The following FAT3 variants were observed in gnomAD, a reference collection of about 807,000 sequenced individuals.
FAT3 encodes FAT atypical cadherin 3.
FAT3 carries 95 observed loss-of-function variants against 310.2 expected under a neutral mutation model. The ratio of observed to expected loss-of-function variants is 0.31; its 90% CI spans 0.26 to 0.36. The LOEUF (loss-of-function observed/expected upper bound fraction) is 0.36. Among genes scored for constraint, FAT3 ranks in the 10% least tolerant of loss-of-function variants. FAT3 has a pLI of 1.00. For missense variants in FAT3, 5,408 were observed against 5,715.6 expected, an observed-to-expected ratio of 0.95 and a Z score of 1.74; for synonymous variants, 2,314 against 2,192.9, an observed-to-expected ratio of 1.06 and a Z score of -1.54.
At chr11:92,759,308 A>G (rs370941618) in intron 4 of FAT3, among the ~76,000 whole-genome samples, 13 of 152,368 alleles carry the variant, frequency 8.5e-5, no homozygotes, top group African/African-American at 3.1e-4. Context: ...GGGTGAGAGC[A>G]GTGAGAAAAC....
At chr11:92,664,663 G>A (rs979555138) in intron 3 of FAT3, among the ~76,000 whole-genome samples, 1 of 152,148 alleles carries the variant, frequency 6.6e-6, no homozygotes, top group African/African-American at 2.4e-5. Context: ...AATTACCAGT[G>A]TAGCTTATGA....
chr11:92,402,871 AC>A (rs1950051295), intron 2 of FAT3, among the ~76,000 whole-genome samples: 1 of 151,918 alleles, frequency 6.6e-6, no homozygotes, highest in Non-Finnish European at 1.5e-5. Context: ...AGCACCAAAA[AC>A]CCCATAGCTA....
chr11:92,444,497 G>C (rs746047802), intron 2 of FAT3, among the ~76,000 whole-genome samples: 1 of 152,100 alleles, frequency 6.6e-6, no homozygotes, highest in African/African-American at 2.4e-5. Flanking sequence ...CGCAGAGTGA[G>C]TGCTATATAG....
chr11:92,799,052 G>T lies in FAT3; in HGVS notation c.6039G>T (p.Glu2013Asp). The change falls in exon 10 of 28, where the codon GAG (glutamate) becomes GAT (aspartate). Residue 2013 changes from glutamate (E) to aspartate (D), a missense_variant. Around this residue, in one of 5 missense-constraint regions of FAT3, gnomAD observed 4,588 missense variants for 4,809.8 expected, o/e 0.95. Transcript: ENST00000525166. ...IVNAVGNRLN[E>D]PLKYSILNPG... Reference sequence around the variant, plus strand: ...ATGCAGTTGGAAATCGCCTTAATGAGCCCTTAAAATACAGCATCTTAAACC... The same window carrying T: ...ATGCAGTTGGAAATCGCCTTAATGATCCCTTAAAATACAGCATCTTAAACC... 1 of 1,613,860 alleles carries T rather than the reference G, an allele frequency of 6.2e-7. No individual in the cohort carries two copies.
intron 3 of FAT3, among the ~76,000 whole-genome samples, chr11:92,658,161 A>T (rs1942646673): frequency 6.6e-6 from 1 of 152,210 alleles, no homozygotes; most frequent in Non-Finnish European, 1.5e-5. Flanking sequence ...ACATTTCAAT[A>T]TGAATGTTAT....
intron 2 of FAT3, among the ~76,000 whole-genome samples, chr11:92,512,183 T>A (rs1303934110): frequency 6.6e-6 from 1 of 152,196 alleles, no homozygotes; most frequent in Non-Finnish European, 1.5e-5. Context: ...TATCTTAATA[T>A]GTGACATATA....
At chr11:92,409,663 A>G (rs760243482) in intron 2 of FAT3, among the ~76,000 whole-genome samples, 6 of 152,278 alleles carry the variant, frequency 3.9e-5, no homozygotes, top group Non-Finnish European at 7.4e-5. Context: ...TTGGTATTCA[A>G]AAGAAACCCT....
rs1295811078 is a variant in FAT3, at chr11:92,391,076, C to T, written c.3292+35672C>T. ...GTACCCACTTAATTTTTAAAAACAA[C>T]TCCAGAGCAGTTAACAACTCCAAGT... On this transcript the variant is annotated intron_variant, in intron 2 of 27. Coordinates refer to ENST00000525166, the MANE Select transcript of FAT3 (RefSeq NM_001367949.2). Among the ~76,000 whole-genome samples, 4 of 152,180 alleles carry T rather than the reference C, an allele frequency of 2.6e-5. No homozygotes were observed. In the East Asian group the frequency reaches 7.7e-4, roughly 29 times the overall value.
rs1163178005 is a variant in FAT3, at chr11:92,360,706, A to G, written c.3292+5302A>G. Among the ~76,000 whole-genome samples the G allele has an allele frequency of 3.3e-5, 5 of 152,206 alleles. No individual in the cohort carries two copies. The East Asian group carries it at 9.6e-4, about 29-fold the overall frequency. ...ACTTTAATCATGGATAATTGGGAAG[A>G]TATTTTGCCATCCTTTATTACTAAT... On this transcript the variant is annotated intron_variant, in intron 2 of 27. Coordinates refer to ENST00000525166, the MANE Select transcript of FAT3 (RefSeq NM_001367949.2).
intron 3 of FAT3, among the ~76,000 whole-genome samples, chr11:92,613,482 T>A (rs1172908656): frequency 4.6e-5 from 7 of 152,222 alleles, no homozygotes; most frequent in Non-Finnish European, 5.9e-5. Flanking sequence ...GAACGAAAAC[T>A]GGTTCTGACA....
chr11:92,519,838 A>C (rs7129039), intron 2 of FAT3, among the ~76,000 whole-genome samples: 5,788 of 152,196 alleles, frequency 0.038, 367 homozygotes, highest in African/African-American at 0.13. Context: ...TACCCATTAG[A>C]ATATCTACAT....
At position 92,889,194 on chromosome 11, in the gene FAT3, A is replaced by AT; in HGVS notation, c.13058dup (p.Val4354SerfsTer12). ...CTTCTTTTCCTGACCACAAGCCTCC[A>AT]TAGTGACTGTCATTCAGCTTGTCAA... On this transcript the variant is annotated frameshift_variant, in exon 26 of 28. Coordinates refer to ENST00000525166, the MANE Select transcript of FAT3 (RefSeq NM_001367949.2). LOFTEE classifies it high-confidence loss of function. 1.4e-6 allele frequency: 1 copy of AT among 714,326 alleles called. No individual in the cohort carries two copies. Among genetic ancestry groups the AT allele is most frequent in the Non-Finnish European group, 2.6e-6 (1 of 383,760 alleles). 44.2% of individuals were successfully genotyped at this position (714,326 alleles called of 1,614,324 possible).
At chr11:92,503,673 A>G (rs1471135358) in intron 2 of FAT3, among the ~76,000 whole-genome samples, 1 of 152,070 alleles carries the variant, frequency 6.6e-6, no homozygotes, top group Non-Finnish European at 1.5e-5. Flanking sequence ...AAAAATTGCT[A>G]TTTATTCTCA....
rs144711293 is a variant in FAT3 at position 92,774,054 on chromosome 11, C to T, written c.4209C>T (p.Asp1403=). 11 of 1,612,580 alleles carry T rather than the reference C, an allele frequency of 6.8e-6. No homozygotes were observed. The highest frequency in any genetic ancestry group is 1.7e-5 in the Admixed American group (1 of 59,744). The change falls in exon 7 of 28, where the codon GAC becomes GAT. Residue 1403 remains aspartate, a synonymous_variant. Transcript: ENST00000525166. ...TGAAATCATCAGGGGGGAATTTTGA[C>T]AGCGCTTTTGATGCAGAGAAGGGTG... is the stretch of plus-strand genomic sequence containing the variant. ...LWFDIVGGNF[D]SAFDAEKGVG...
In FAT3 at chr11:92,697,456, A is replaced by T; in HGVS notation, c.3669+11A>T. 6.2e-7 allele frequency: 1 copy of T among 1,613,656 alleles called. No individual in the cohort carries two copies. The highest frequency in any genetic ancestry group is 1.1e-5 in the South Asian group (1 of 91,060). ...GAACATTTTCTGGAGGTAAGCGCAT[A>T]GAGGGAACTGAAATTCATTAAAACT... is the stretch of plus-strand genomic sequence containing the variant. On this transcript the variant is annotated intron_variant, in intron 4 of 27. Transcript: ENST00000525166.
At chr11:92,617,579 G>A (rs115389689) in intron 3 of FAT3, among the ~76,000 whole-genome samples, 1,963 of 152,216 alleles carry the variant, frequency 0.013, 44 homozygotes, top group African/African-American at 0.044. Context: ...AGAATTATCA[G>A]GTTTTCTGCT....
chr11:92,879,051 A>AG (rs202138234), intron 22 of FAT3, among the ~76,000 whole-genome samples: 7 of 151,826 alleles, frequency 4.6e-5, no homozygotes, highest in Admixed American at 6.6e-5. Context: ...TGTTAAAGAG[A>AG]GGGGAAAAAA....
chr11:92,506,190 T>A (rs1953094267), intron 2 of FAT3, among the ~76,000 whole-genome samples: 5 of 152,318 alleles, frequency 3.3e-5, no homozygotes, highest in African/African-American at 9.6e-5. Context: ...TTTGCATTTT[T>A]GCAAACCTTT....
At chr11:92,630,604 A>C (rs1826833114) in intron 3 of FAT3, among the ~76,000 whole-genome samples, 1 of 152,120 alleles carries the variant, frequency 6.6e-6, no homozygotes, top group African/African-American at 2.4e-5. Context: ...ACTGTCAACC[A>C]AGCTAAAAAC....
Sources: gnomAD v4.1 joint callset for allele counts (sites outside exome capture counted in the v4.1 genomes callset) on GRCh38, gnomAD v4.1.1 for gene constraint, gnomAD v4.1.1 regional missense constraint, MANE v1.5 for transcripts, NCBI Gene and HGNC (gene_info 2026-07-23, HGNC 2026-07-21) for gene names.